The following SSR1 variants were observed in gnomAD, a reference collection of about 807,000 sequenced individuals.
SSR1 encodes the protein translocon-associated protein subunit alpha.
SSR1 carries 13 observed loss-of-function variants against 36.1 expected under a neutral mutation model. That is an observed-to-expected ratio of 0.36 (90% confidence interval 0.23 to 0.57). SSR1 has a LOEUF of 0.57. Among genes scored for constraint, SSR1 ranks in the 20% least tolerant of loss-of-function variants. The pLI is 0.81. For missense variants in SSR1, 291 were observed against 338.5 expected (o/e 0.86, Z 1.10); for synonymous variants, 113 against 118.9 (o/e 0.95, Z 0.32).
intron 6 of SSR1, chr6:7,296,853 G>C (rs1757807951): frequency 6.5e-6 from 1 of 153,018 alleles, no homozygotes; most frequent in Admixed American, 6.5e-5. Flanking sequence ...TTTTGACTGA[G>C]AGAACAAAAT....
intron 2 of SSR1, 26 bp from the exon 3 acceptor site, chr6:7,303,663 G>A (rs1243616790): frequency 6.6e-7 from 1 of 1,505,394 alleles, no homozygotes. Flanking sequence ...ATTAAGAGGA[G>A]ATTACTATGG....
rs1034778699 is a variant in SSR1 at position 7,289,645 on chromosome 6, T to G, written c.*219A>C. On this transcript the variant is annotated 3_prime_UTR_variant, in exon 8 of 8. Transcript: ENST00000244763. Reference sequence around the variant, plus strand: ...TCACATACATACACACGCACACACATAGATTTTAATGGTTTAAAAAAAAAC... The same window carrying G: ...TCACATACATACACACGCACACACAGAGATTTTAATGGTTTAAAAAAAAAC... 1.9e-6 allele frequency: 1 copy of G among 535,734 alleles called. No homozygotes were observed. The highest frequency in any genetic ancestry group is 3.2e-6 in the Non-Finnish European group (1 of 312,762). The allele number at this position is 535,734 out of a possible 1,614,324, so 33.2% of individuals were successfully genotyped here.
At chr6:7,294,445 T>G (rs1757748239) in intron 7 of SSR1, among the ~76,000 whole-genome samples, 1 of 152,218 alleles carries the variant, frequency 6.6e-6, no homozygotes, top group Non-Finnish European at 1.5e-5. Flanking sequence ...CCCAGGACTT[T>G]GGGAGGCCGA....
intron 3 of SSR1, among the ~76,000 whole-genome samples, chr6:7,303,120 C>T (rs188834820): frequency 9.1e-6 from 1 of 109,856 alleles, no homozygotes; most frequent in East Asian, 2.9e-4. Flanking sequence ...GCCTGGGTGA[C>T]AGAGCGAGAC....
At position 7,289,675 on chromosome 6, in the gene SSR1, T is replaced by C; in HGVS notation, c.*189A>G. The C allele has an allele frequency of 1.7e-6, 1 of 589,852 alleles. No individual in the cohort carries two copies. The highest frequency in any genetic ancestry group is 3.4e-5 in the East Asian group (1 of 29,382). The allele number at this position is 589,852 out of a possible 1,614,324, so 36.5% of individuals were successfully genotyped here. On this transcript the variant is annotated 3_prime_UTR_variant, in exon 8 of 8. Transcript: ENST00000244763. Reference sequence around the variant, plus strand: ...TTTAATGGTTTAAAAAAAAACCAAATTTGTTACTTTAGAAAAATGAATGCA... The same window carrying C: ...TTTAATGGTTTAAAAAAAAACCAAACTTGTTACTTTAGAAAAATGAATGCA...
intron 2 of SSR1, among the ~76,000 whole-genome samples, chr6:7,304,991 C>T (rs1363290145): frequency 2.6e-5 from 4 of 152,158 alleles, no homozygotes; most frequent in Non-Finnish European, 5.9e-5. Flanking sequence ...TTTTAAGTAT[C>T]CTTAATGATT....
intron 2 of SSR1, among the ~76,000 whole-genome samples, chr6:7,306,785 G>A (rs193087811): frequency 0.012 from 1,773 of 151,770 alleles, 31 homozygotes; most frequent in African/African-American, 0.039. Context: ...GTGTGGTGGC[G>A]GGCGCCTATA....
chr6:7,300,932 T>C (rs1214665127), intron 4 of SSR1, among the ~76,000 whole-genome samples: 8 of 152,194 alleles, frequency 5.3e-5, no homozygotes, highest in Non-Finnish European at 1.0e-4. Context: ...TGTGAGCCAC[T>C]GTACCCAGCA....
At chr6:7,292,241 C>G (rs1389200028) in intron 7 of SSR1, among the ~76,000 whole-genome samples, 1 of 152,176 alleles carries the variant, frequency 6.6e-6, no homozygotes, top group African/African-American at 2.4e-5. Context: ...CATAGCTAAT[C>G]CAAACACATC....
At chr6:7,298,067 T>G in intron 5 of SSR1, 66 bp from the exon 6 acceptor site, 1 of 1,190,394 alleles carries the variant, frequency 8.4e-7, no homozygotes. Flanking sequence ...TAATTACAAC[T>G]ATAATTATAA....
At chr6:7,312,626 G>A (rs1482883883) in intron 1 of SSR1, among the ~76,000 whole-genome samples, 1 of 152,224 alleles carries the variant, frequency 6.6e-6, no homozygotes, top group Non-Finnish European at 1.5e-5. Flanking sequence ...TGAGCGCGAG[G>A]GGCTGGGGGT....
intron 7 of SSR1, among the ~76,000 whole-genome samples, chr6:7,293,424 G>T (rs1471546078): frequency 1.3e-5 from 2 of 151,812 alleles, no homozygotes. Context: ...GCTCCTCAAT[G>T]ATTTCCTTTC....
chr6:7,287,883 G>A lies in SSR1; in HGVS notation c.*1981C>T, dbSNP rs1427632623. 6.6e-6 allele frequency: 1 copy of A among 152,384 alleles called. No individual in the cohort carries two copies. The highest frequency in any genetic ancestry group is 1.5e-5 in the Non-Finnish European group (1 of 68,002). The allele number at this position is 152,384 out of a possible 1,614,324, so 9.4% of individuals were successfully genotyped here. A position where few individuals can be genotyped will look rare whatever the true frequency, so the allele number is the denominator to read the frequency against. ...TTACTGATGCTAGAGCAGACCCCTG[G>A]CATCTGAGGATTTAAGAGTTCAACT... is the stretch of plus-strand genomic sequence containing the variant. On this transcript the variant is annotated 3_prime_UTR_variant, in exon 8 of 8. Coordinates refer to ENST00000244763, the MANE Select transcript of SSR1 (RefSeq NM_003144.5).
In SSR1 at chr6:7,285,243, G is replaced by A. The variant is rs1757523608; in HGVS notation, c.*4621C>T. ...AAGGGACAGCAGGGGAACAAAAAAA[G>A]GCACAGTCAAAACATCTTTGACTGC... is the stretch of plus-strand genomic sequence containing the variant. On this transcript the variant is annotated 3_prime_UTR_variant, in exon 8 of 8. Coordinates refer to ENST00000244763, the MANE Select transcript of SSR1 (RefSeq NM_003144.5). The surrounding 1 kb of genome is among the most constrained non-coding windows in gnomAD (Gnocchi z 4.1). 1 of 152,160 alleles carries A rather than the reference G, an allele frequency of 6.6e-6. No homozygotes were observed. The highest frequency in any genetic ancestry group is 2.4e-5 in the African/African-American group (1 of 41,446). The allele number at this position is 152,160 out of a possible 1,614,324, so 9.4% of individuals were successfully genotyped here.
intron 3 of SSR1, among the ~76,000 whole-genome samples, chr6:7,302,129 T>C (rs1264236423): frequency 3.9e-5 from 6 of 152,368 alleles, no homozygotes; most frequent in Non-Finnish European, 4.4e-5. Context: ...AAAATTATAC[T>C]TCCTACAGGC....
Position 7,309,965 on chromosome 6 carries a change from C to T in SSR1, c.144G>A (p.Glu48=). 1 of 1,613,990 alleles carries T rather than the reference C, an allele frequency of 6.2e-7. No homozygotes were observed. The change falls in exon 2 of 8, where the codon GAG becomes GAA. Residue 48 remains glutamate, a synonymous_variant. Coordinates refer to ENST00000244763, the MANE Select transcript of SSR1 (RefSeq NM_003144.5). The part of the protein sequence containing the change: ...DEETVEDSII[E]DEDDEAEVEE... ...CTACCTCGGCTTCATCATCTTCATC[C>T]TCAATTATGGAATCTTCTACTGTTT...
At position 7,294,597 on chromosome 6, in the gene SSR1, A is replaced by T. The variant is rs946878894; in HGVS notation, c.793+795T>A. 6.6e-5 allele frequency among the ~76,000 whole-genome samples: 10 copies of T among 152,210 alleles called. No individual in the cohort carries two copies. The East Asian group carries it at 1.9e-3, about 29-fold the overall frequency. On this transcript the variant is annotated intron_variant, in intron 7 of 7. Transcript: ENST00000244763. ...TCCCAGCTACTTGGGAAGCTGAGGC[A>T]GGAGAATCACTCGAACCCAGGAGGC...
chr6:7,292,881 T>G (rs1268576134), intron 7 of SSR1, among the ~76,000 whole-genome samples: 3 of 152,130 alleles, frequency 2.0e-5, no homozygotes, highest in Admixed American at 6.6e-5. Context: ...GCAACTGCTA[T>G]ACTGCAATAT....
intron 2 of SSR1, among the ~76,000 whole-genome samples, chr6:7,307,985 A>G (rs527350654): frequency 5.9e-5 from 9 of 152,258 alleles, no homozygotes; most frequent in Non-Finnish European, 1.3e-4. Flanking sequence ...AAATTCCTAG[A>G]TGGATTCCCT....
Sources: gnomAD v4.1 joint callset for allele counts (sites outside exome capture counted in the v4.1 genomes callset) on GRCh38, gnomAD v4.1.1 for gene constraint, Gnocchi (gnomAD v3.1) non-coding constraint, MANE v1.5 for transcripts, NCBI Gene and HGNC (gene_info 2026-07-23, HGNC 2026-07-21) for gene names.